Variants in OPCML observed in about 807,000 individuals in gnomAD.
OPCML encodes opioid binding protein/cell adhesion molecule like, also known as opioid-binding protein/cell adhesion molecule.
A neutral mutation model predicts 37.8 loss-of-function variants in OPCML; 13 were observed. The observed-to-expected ratio is 0.34, with a 90% confidence interval of 0.22 to 0.55. The LOEUF (loss-of-function observed/expected upper bound fraction) is 0.55. OPCML is among the 20% of genes least tolerant of loss of function. The pLI, the probability that OPCML is intolerant of heterozygous loss-of-function variation, is 0.91. For synonymous variants in OPCML, 176 were observed against 168.8 expected (o/e 1.04, Z -0.33); for missense variants, 341 against 435.6 (o/e 0.78, Z 1.93).
intron 4 of OPCML, among the ~76,000 whole-genome samples, chr11:132,491,999 A>G (rs865897774): frequency 6.7e-6 from 1 of 149,866 alleles, no homozygotes; most frequent in Middle Eastern, 3.5e-3. Context: ...TTGAGTAGAG[A>G]CACTGAAGTG....
chr11:132,488,891 G>C (rs1356820159), intron 4 of OPCML, among the ~76,000 whole-genome samples: 2 of 152,132 alleles, frequency 1.3e-5, no homozygotes, highest in African/African-American at 4.8e-5. Context: ...GTGGCACATA[G>C]GTCAGACCAT....
chr11:133,001,257 C>T (rs1946996138), intron 1 of OPCML, among the ~76,000 whole-genome samples: 1 of 152,264 alleles, frequency 6.6e-6, no homozygotes, highest in East Asian at 1.9e-4. Flanking sequence ...ATGTTTACTA[C>T]CCACATGCCT....
intron 1 of OPCML, among the ~76,000 whole-genome samples, chr11:133,038,202 T>A (rs1036166184): frequency 6.6e-6 from 1 of 152,228 alleles, no homozygotes; most frequent in Non-Finnish European, 1.5e-5. Flanking sequence ...TGGCCCTGTC[T>A]GTCCCTTCCC....
chr11:132,721,591 A>C (rs1284138667), intron 2 of OPCML, among the ~76,000 whole-genome samples: 1 of 152,178 alleles, frequency 6.6e-6, no homozygotes, highest in African/African-American at 2.4e-5. Context: ...GTTACGATTC[A>C]GCTGCATTTT....
intron 1 of OPCML, among the ~76,000 whole-genome samples, chr11:132,993,929 T>A (rs946388530): frequency 2.6e-4 from 39 of 151,796 alleles, no homozygotes; most frequent in African/African-American, 9.2e-4. Flanking sequence ...CTCTAACGAG[T>A]TGAACACACT....
At chr11:133,051,990 G>T (rs1215181786) in intron 1 of OPCML, among the ~76,000 whole-genome samples, 1 of 152,158 alleles carries the variant, frequency 6.6e-6, no homozygotes, top group East Asian at 1.9e-4. Flanking sequence ...GTTCAACAAA[G>T]CAAAGCTTCT....
rs375649730 is a variant in OPCML, at chr11:132,754,400, GCT to G, written c.147-97083_147-97082del. 7.0e-3 allele frequency among the ~76,000 whole-genome samples: 1,061 copies of G among 152,086 alleles called. 23 individuals are homozygous for G. Among genetic ancestry groups the G allele is most frequent in the Middle Eastern group, 0.048 (14 of 294 alleles). ...TTAAAAGAGGAGCTCCCCTGCAGAA[GCT>G]CTCTCTCTCTTTGCTTGCTGCCATC... On this transcript the variant is annotated intron_variant, in intron 2 of 7. Transcript: ENST00000524381.
At chr11:133,453,500 A>T (rs78434871) in intron 1 of OPCML, among the ~76,000 whole-genome samples, 2,392 of 152,320 alleles carry the variant, frequency 0.016, 67 homozygotes, top group African/African-American at 0.055. Context: ...CCTCTGACAA[A>T]TGCCAAAAAT....
chr11:133,191,516 T>G (rs570739706), intron 1 of OPCML, among the ~76,000 whole-genome samples: 2 of 151,736 alleles, frequency 1.3e-5, no homozygotes, highest in South Asian at 2.1e-4. Context: ...TGTGTGTGTG[T>G]GTGTGTGTGT....
chr11:132,698,656 T>G (rs1184024910), intron 2 of OPCML, among the ~76,000 whole-genome samples: 2 of 152,198 alleles, frequency 1.3e-5, no homozygotes, highest in African/African-American at 4.8e-5. Flanking sequence ...ATTTGTTCAT[T>G]TTTGTTTTTA....
intron 2 of OPCML, among the ~76,000 whole-genome samples, chr11:132,691,944 A>T (rs573506915): frequency 6.6e-6 from 1 of 152,270 alleles, no homozygotes; most frequent in South Asian, 2.1e-4. Context: ...AAGGGACTTG[A>T]TATGGCAAAA....
chr11:132,529,438 T>C (rs2096317813), intron 3 of OPCML: 1 of 154,378 alleles, frequency 6.5e-6, no homozygotes, highest in African/African-American at 2.4e-5. Context: ...AGCAGAGGAA[T>C]TGAGAGATGG....
chr11:132,963,496 G>C (rs1946139444), intron 1 of OPCML, among the ~76,000 whole-genome samples: 1 of 151,648 alleles, frequency 6.6e-6, no homozygotes, highest in South Asian at 2.1e-4. Flanking sequence ...GGAGGCTGAG[G>C]CAGGAGAATC....
At chr11:133,357,888 G>A (rs1358817746) in intron 1 of OPCML, among the ~76,000 whole-genome samples, 1 of 152,056 alleles carries the variant, frequency 6.6e-6, no homozygotes, top group Non-Finnish European at 1.5e-5. Flanking sequence ...CTACATGAGA[G>A]CCTTGCCTTT....
intron 2 of OPCML, among the ~76,000 whole-genome samples, chr11:132,726,003 G>C (rs1439293744): frequency 6.6e-6 from 1 of 152,070 alleles, no homozygotes; most frequent in African/African-American, 2.4e-5. Context: ...CAACATTTTG[G>C]GCAAAGCCAT....
chr11:133,097,901 C>A (rs1949027596), intron 1 of OPCML, among the ~76,000 whole-genome samples: 1 of 151,936 alleles, frequency 6.6e-6, no homozygotes, highest in Non-Finnish European at 1.5e-5. Context: ...GGAACCAGGC[C>A]CAGATGGTTT....
At chr11:132,500,198 C>T (rs1055973488) in intron 4 of OPCML, among the ~76,000 whole-genome samples, 3 of 152,106 alleles carry the variant, frequency 2.0e-5, no homozygotes, top group Non-Finnish European at 4.4e-5. Flanking sequence ...CTTATCAAGG[C>T]CCCCCTGCAA....
chr11:133,138,148 A>G (rs946853181), intron 1 of OPCML, among the ~76,000 whole-genome samples: 6 of 152,172 alleles, frequency 3.9e-5, no homozygotes, highest in African/African-American at 1.4e-4. Context: ...TTAGTTCCAG[A>G]AAGAGTGGGT....
At chr11:132,813,428 A>G (rs1463803020) in intron 2 of OPCML, among the ~76,000 whole-genome samples, 1 of 152,302 alleles carries the variant, frequency 6.6e-6, no homozygotes, top group Non-Finnish European at 1.5e-5. Flanking sequence ...TACCAGCACA[A>G]TGGTAGAACC....
Sources: allele counts gnomAD v4.1 joint callset (sites outside exome capture counted in the v4.1 genomes callset), GRCh38; gene constraint gnomAD v4.1.1; transcripts MANE v1.5; gene names NCBI Gene and HGNC (gene_info 2026-07-23, HGNC 2026-07-21).